The following STOX2 variants were observed in gnomAD, a reference collection of about 807,000 sequenced individuals.
The protein encoded by STOX2 is storkhead-box protein 2.
STOX2 carries 28 observed loss-of-function variants against 60.9 expected under a neutral mutation model. That is an observed-to-expected ratio of 0.46 (90% confidence interval 0.34 to 0.63). The LOEUF is 0.63. Among genes scored for constraint, STOX2 ranks in the 30% least tolerant of loss-of-function variants. STOX2 has a pLI of 0.01. For synonymous variants in STOX2, 472 were observed against 463.9 expected (o/e 1.02, Z -0.22); for missense variants, 1,024 against 1,187.7 (o/e 0.86, Z 2.03).
chr4:183,915,276 C>T (rs1394379671), intron 1 of STOX2, among the ~76,000 whole-genome samples: 1 of 152,250 alleles, frequency 6.6e-6, no homozygotes, highest in Non-Finnish European at 1.5e-5. Flanking sequence ...CTTCTCACCC[C>T]TACAGATTCC....
intron 1 of STOX2, among the ~76,000 whole-genome samples, chr4:183,909,131 C>T (rs1365605945): frequency 6.6e-6 from 1 of 152,172 alleles, no homozygotes; most frequent in Non-Finnish European, 1.5e-5. Context: ...GAGTCTTTCT[C>T]ATGTGCAACT....
chr4:183,834,521 G>T (rs1335200659), intron 1 of STOX2, among the ~76,000 whole-genome samples: 1 of 152,040 alleles, frequency 6.6e-6, no homozygotes, highest in East Asian at 1.9e-4. Flanking sequence ...TGCCGTCTTG[G>T]CTCGTGTGAG....
At chr4:183,966,163 A>G (rs770751886) in intron 1 of STOX2, among the ~76,000 whole-genome samples, 30 of 152,202 alleles carry the variant, frequency 2.0e-4, no homozygotes, top group African/African-American at 4.8e-5. Context: ...CTTCAGCTCT[A>G]TATGGCCAAG....
rs181351085 is a variant in STOX2, at chr4:183,992,979, T to C, written c.167-8346T>C. On this transcript the variant is annotated intron_variant, in intron 1 of 3. Coordinates refer to ENST00000308497, the MANE Select transcript of STOX2 (RefSeq NM_020225.3). ...ACCTGATTGGTCCCAGGGCTCATAT[T>C]CCATCCTACCTTTTCTGCTATGCAT... Among the ~76,000 whole-genome samples the C allele has an allele frequency of 8.5e-5, 13 of 152,352 alleles. No individual in the cohort carries two copies. The East Asian group carries it at 2.3e-3, about 27-fold the overall frequency.
At position 183,973,656 on chromosome 4, in the gene STOX2, G is replaced by T. The variant is rs1743805003; in HGVS notation, c.167-27669G>T. ...CATCAAGAGAAAAAGAAAAGCAACA[G>T]TAGTAATACCTGAGTAAATATAATT... On this transcript the variant is annotated intron_variant, in intron 1 of 3. Coordinates refer to ENST00000308497, the MANE Select transcript of STOX2 (RefSeq NM_020225.3). 1.3e-5 allele frequency among the ~76,000 whole-genome samples: 2 copies of T among 152,168 alleles called. 1 individual carries two copies. The highest frequency in any genetic ancestry group is 4.8e-5 in the African/African-American group (2 of 41,444).
chr4:183,905,077 C>G (rs1259046052), upstream of STOX2, among the ~76,000 whole-genome samples: 3 of 152,200 alleles, frequency 2.0e-5, no homozygotes, highest in African/African-American at 4.8e-5. Flanking sequence ...TTTACTGTAC[C>G]AAAGCATTTT....
In STOX2 at chr4:184,000,875, C is replaced by T. The variant is rs527809912; in HGVS notation, c.167-450C>T. Reference sequence around the variant, plus strand: ...GAGGGCAGAGATGTTTGGGGAGAGGCGCGCACTCTGTCTCTGCAGCTCCCG... The same window carrying T: ...GAGGGCAGAGATGTTTGGGGAGAGGTGCGCACTCTGTCTCTGCAGCTCCCG... On this transcript the variant is annotated intron_variant, in intron 1 of 3. Coordinates refer to ENST00000308497, the MANE Select transcript of STOX2 (RefSeq NM_020225.3). Among the ~76,000 whole-genome samples the T allele has an allele frequency of 1.1e-4, 17 of 152,326 alleles. 1 individual carries two copies. The South Asian group carries it at 3.5e-3, about 32-fold the overall frequency.
At chr4:183,891,093 G>C (rs1043145568) in intron 1 of STOX2, among the ~76,000 whole-genome samples, 1 of 152,060 alleles carries the variant, frequency 6.6e-6, no homozygotes, top group African/African-American at 2.4e-5. Context: ...CTGGGCAACA[G>C]AGCAAGACCC....
chr4:183,815,130 C>T (rs1739122275), intron 1 of STOX2, among the ~76,000 whole-genome samples: 1 of 151,826 alleles, frequency 6.6e-6, no homozygotes, highest in Non-Finnish European at 1.5e-5. Context: ...GTGGCTGGGA[C>T]TGTAGGTGTC....
At chr4:183,946,411 G>C (rs1020884445) in intron 1 of STOX2, among the ~76,000 whole-genome samples, 2 of 152,080 alleles carry the variant, frequency 1.3e-5, no homozygotes, top group Admixed American at 1.3e-4. Context: ...CCATGAGGAG[G>C]GGGGGTTGGG....
chr4:183,930,867 A>G (rs1742402072), intron 1 of STOX2, among the ~76,000 whole-genome samples: 1 of 152,210 alleles, frequency 6.6e-6, no homozygotes, highest in African/African-American at 2.4e-5. Context: ...TGATATTCCT[A>G]GAATCTTATG....
Position 183,825,077 on chromosome 4 carries a change from C to T in STOX2, c.364+27022C>T, listed in dbSNP as rs1739390604. Reference sequence around the variant, plus strand: ...GGAACATGGTGGATAATCCCTGGCTCTTAAGGACCAAGGAGGCTGCTCATC... The same window carrying T: ...GGAACATGGTGGATAATCCCTGGCTTTTAAGGACCAAGGAGGCTGCTCATC... On this transcript the variant is annotated intron_variant, in intron 1 of 2. Coordinates refer to the STOX2 transcript ENST00000513034. The surrounding 1 kb of genome is among the most constrained non-coding windows in gnomAD (Gnocchi z 4.1). Among the ~76,000 whole-genome samples, 1 of 152,150 alleles carries T rather than the reference C, an allele frequency of 6.6e-6. No individual in the cohort carries two copies.
intron 1 of STOX2, among the ~76,000 whole-genome samples, chr4:183,931,625 A>C (rs974705918): frequency 6.6e-6 from 1 of 152,222 alleles, no homozygotes; most frequent in Non-Finnish European, 1.5e-5. Flanking sequence ...GGAGTTCACT[A>C]TACCGTAAAG....
At chr4:183,911,278 C>A (rs779073885) in intron 1 of STOX2, among the ~76,000 whole-genome samples, 4 of 152,112 alleles carry the variant, frequency 2.6e-5, no homozygotes, top group Admixed American at 1.3e-4. Context: ...TAAAGGTATG[C>A]GTTTTAGGAC....
In STOX2 at chr4:183,838,388, A is replaced by G. The variant is rs994430517; in HGVS notation, c.364+40333A>G. On this transcript the variant is annotated intron_variant, in intron 1 of 2. Transcript: ENST00000513034. ...ATAAATAAATACATAAAATATTTCA[A>G]ATATTTTTAATGACCATAAACAATA... Among the ~76,000 whole-genome samples the G allele has an allele frequency of 5.3e-5, 8 of 152,076 alleles. No homozygotes were observed. In the South Asian group the frequency reaches 1.7e-3, roughly 32 times the overall value.
At chr4:183,810,828 C>T (rs1251696259) in intron 1 of STOX2, among the ~76,000 whole-genome samples, 1 of 151,950 alleles carries the variant, frequency 6.6e-6, no homozygotes, top group African/African-American at 2.4e-5. Flanking sequence ...GAACCATAAG[C>T]CAGATATACT....
intron 1 of STOX2, among the ~76,000 whole-genome samples, chr4:183,831,569 C>T (rs1258603860): frequency 6.7e-6 from 1 of 149,958 alleles, no homozygotes; most frequent in Non-Finnish European, 1.5e-5. Flanking sequence ...AAATATTTTG[C>T]TAGGTATTAG....
chr4:183,853,015 T>TA (rs919713718), intron 1 of STOX2, among the ~76,000 whole-genome samples: 13 of 152,316 alleles, frequency 8.5e-5, no homozygotes, highest in Admixed American at 8.5e-4. Flanking sequence ...GGAAAGGCAG[T>TA]ATTAGGAATA....
At chr4:183,867,619 A>C (rs559980662) in intron 1 of STOX2, among the ~76,000 whole-genome samples, 1 of 152,216 alleles carries the variant, frequency 6.6e-6, no homozygotes, top group South Asian at 2.1e-4. Flanking sequence ...GAGGTTATCC[A>C]TCGTTTGTCA....
Sources: gnomAD v4.1 joint callset for allele counts (sites outside exome capture counted in the v4.1 genomes callset) on GRCh38, gnomAD v4.1.1 for gene constraint, Gnocchi (gnomAD v3.1) non-coding constraint, MANE v1.5 for transcripts, NCBI Gene and HGNC (gene_info 2026-07-23, HGNC 2026-07-21) for gene names.